DNAH17: variants seen among roughly 807,000 people sequenced by gnomAD.
The protein encoded by DNAH17 is dynein axonemal heavy chain 17, also known as axonemal beta dynein heavy chain 17.
A neutral mutation model predicts 485.6 loss-of-function variants in DNAH17; 376 were observed. The observed-to-expected ratio is 0.77, with a 90% CI of 0.71 to 0.84. The LOEUF (loss-of-function observed/expected upper bound fraction) is 0.84, where lower values mean the gene tolerates loss of function less well. DNAH17 is among the 40% of genes least tolerant of loss of function. The pLI is 0.00. For synonymous variants in DNAH17, 3,031 were observed against 2,405.9 expected (o/e 1.26, Z -7.60); for missense variants, 6,370 against 5,839.3 (o/e 1.09, Z -2.96).
At chr17:78,572,922 C>T (rs368965972) in intron 2 of DNAH17, 28 bp from the exon 3 acceptor site, 2 of 1,597,364 alleles carry the variant, frequency 1.3e-6, no homozygotes, top group African/African-American at 1.3e-5. Context: ...TGTGGTTCCG[C>T]CCCCTGTGCC....
intron 54 of DNAH17, chr17:78,472,911 C>G (rs948643856): frequency 3.2e-6 from 1 of 314,308 alleles, no homozygotes; most frequent in South Asian, 2.2e-5. Flanking sequence ...CCTGCCCGCT[C>G]TATCCCCTGA....
chr17:78,492,805 C>T (rs916953535), intron 41 of DNAH17, 40 bp from the exon 42 acceptor site: 3 of 1,592,434 alleles, frequency 1.9e-6, no homozygotes, highest in Non-Finnish European at 2.6e-6. Flanking sequence ...ACTCCATGTT[C>T]CTGGCACATC....
chr17:78,454,151 T>C (rs917468000), intron 64 of DNAH17, among the ~76,000 whole-genome samples: 2 of 152,272 alleles, frequency 1.3e-5, no homozygotes, highest in Middle Eastern at 3.4e-3. Flanking sequence ...GTGATGAGAA[T>C]ACAGACCACG....
At chr17:78,429,406 C>G in intron 75 of DNAH17, 106 bp from the exon 76 acceptor site, 1 of 1,252,988 alleles carries the variant, frequency 8.0e-7, no homozygotes, top group South Asian at 1.4e-5. Context: ...GCCATTGGTG[C>G]TGTGTCCTTC....
intron 67 of DNAH17, 59 bp from the exon 68 acceptor site, chr17:78,450,453 T>G (rs1435281955): frequency 5.0e-6 from 8 of 1,595,858 alleles, no homozygotes; most frequent in Non-Finnish European, 6.8e-6. Flanking sequence ...CATGAGCAGG[T>G]GGGCTCATTC....
At chr17:78,545,231 A>G (rs1036549223) in intron 16 of DNAH17, among the ~76,000 whole-genome samples, 1 of 152,222 alleles carries the variant, frequency 6.6e-6, no homozygotes, top group Non-Finnish European at 1.5e-5. Flanking sequence ...AACATAAACG[A>G]TATGATTAAG....
Position 78,530,349 on chromosome 17 carries a change from G to T in DNAH17, c.3278C>A (p.Thr1093Asn), listed in dbSNP as rs1328350362. 1.2e-5 allele frequency: 19 copies of T among 1,607,094 alleles called. No individual in the cohort carries two copies. Among genetic ancestry groups the T allele is most frequent in the Non-Finnish European group, 1.6e-5 (19 of 1,174,834 alleles). ...MFKRHLSNHV[T>N]NSLADLEAFM... ...TACATGGCTGGGGACCCACCTGTTG[G>T]TGACGTGGTTGCTCAGGTGCCGCTT... Residue 1093 changes from threonine (T) to asparagine (N), a missense_variant, in exon 21 of 81, where the codon ACC (threonine) becomes AAC (asparagine). Transcript: ENST00000389840.
chr17:78,561,719 G>A lies in DNAH17; in HGVS notation c.1831C>T (p.His611Tyr), dbSNP rs1291815144. ...VSMKHLKHVE[H>Y]PVMSGAEAKL... is the part of the protein sequence containing the mutation. ...CTGCCCAGGGCTGTGACTCACGGGT[G>A]TTCGACGTGCTTCAGGTGTTTCATG... The change falls in exon 12 of 81, where the codon CAC becomes TAC. Residue 611 changes from histidine (H) to tyrosine (Y), a missense_variant. Physicochemically the swap from His to Tyr is moderately conservative, Grantham distance 83. Transcript: ENST00000389840. 3 of 1,605,338 alleles carry A rather than the reference G, an allele frequency of 1.9e-6. No homozygotes were observed. Among genetic ancestry groups the A allele is most frequent in the Non-Finnish European group, 2.6e-6 (3 of 1,174,806 alleles).
rs1280967432 is a variant in DNAH17 at position 78,461,676 on chromosome 17, C to CTG, written c.9205_9206dup (p.Gln3069HisfsTer16). On this transcript the variant is annotated frameshift_variant, in exon 58 of 81. Transcript: ENST00000389840. LOFTEE classifies it high-confidence loss of function. ...CATTCTTCTGCTTGAGCTCAGCCTCCTGAATCGCCAACTTGGCTTTCAAAT... is the reference window on the plus strand; with the variant it reads ...CATTCTTCTGCTTGAGCTCAGCCTCCTGTGAATCGCCAACTTGGCTTTCAAAT... The CTG allele has an allele frequency of 6.2e-7, 1 of 1,611,016 alleles. No individual in the cohort carries two copies. The highest frequency in any genetic ancestry group is 8.5e-7 in the Non-Finnish European group (1 of 1,179,102).
At chr17:78,566,868 A>G in intron 10 of DNAH17, 131 bp downstream of exon 10, 2 of 1,329,930 alleles carry the variant, frequency 1.5e-6, no homozygotes, top group South Asian at 1.4e-5. Flanking sequence ...CGCTCTACAC[A>G]GTTTTCAAAG....
Position 78,450,618 on chromosome 17 carries a change from G to A in DNAH17, c.10899+64C>T, listed in dbSNP as rs1222446407. 1.2e-5 allele frequency: 19 copies of A among 1,552,432 alleles called. No individual in the cohort carries two copies. The East Asian group carries it at 1.6e-4, about 13-fold the overall frequency. ...TCCTTTCTCATGGTAGGGAGGCGCC[G>A]ATCGCCCGTGGCCCAGCCTCCCAAG... is the stretch of plus-strand genomic sequence containing the variant. On this transcript the variant is annotated intron_variant, in intron 67 of 80. Transcript: ENST00000389840.
rs2088614627 is a variant in DNAH17, at chr17:78,468,886, G to A, written c.8512-3C>T. On this transcript the variant is annotated splice_polypyrimidine_tract_variant and splice_region_variant and intron_variant, in intron 54 of 80. Coordinates refer to ENST00000389840, the MANE Select transcript of DNAH17 (RefSeq NM_173628.4). ...ATGTACTGAGCAGCGAGGTCAATCT[G>A]GACGGAGTGAGGACACGCTTAGGGG... 1 of 1,611,660 alleles carries A rather than the reference G, an allele frequency of 6.2e-7. No individual in the cohort carries two copies. Among genetic ancestry groups the A allele is most frequent in the Non-Finnish European group, 8.5e-7 (1 of 1,179,070 alleles).
At chr17:78,466,988 C>T (rs1456407243) in intron 55 of DNAH17, among the ~76,000 whole-genome samples, 172 bp from the exon 56 acceptor site, 4 of 152,218 alleles carry the variant, frequency 2.6e-5, no homozygotes, top group Non-Finnish European at 5.9e-5. Context: ...GCTGCATTGC[C>T]GTGGATAAAT....
chr17:78,514,804 G>T lies in DNAH17; in HGVS notation c.4083C>A (p.Arg1361=). 1 of 1,614,026 alleles carries T rather than the reference G, an allele frequency of 6.2e-7. No homozygotes were observed. The highest frequency in any genetic ancestry group is 8.5e-7 in the Non-Finnish European group (1 of 1,179,900). ...SELQNPAIRE[R]HWQQLMQATQ... ...TGGCCTGCATGAGCTGCTGCCAGTG[G>T]CGTTCCCGAATGGCAGGGTTCTGCA... is the stretch of plus-strand genomic sequence containing the variant. The change falls in exon 26 of 81, where the codon CGC becomes CGA. Residue 1361 remains arginine, a synonymous_variant. Coordinates refer to ENST00000389840, the MANE Select transcript of DNAH17 (RefSeq NM_173628.4).
intron 13 of DNAH17, among the ~76,000 whole-genome samples, chr17:78,559,990 T>C (rs1014037438): frequency 6.6e-6 from 1 of 152,174 alleles, no homozygotes; most frequent in Admixed American, 6.5e-5. Flanking sequence ...CTGCCCCTTC[T>C]ACCGGCTCTA....
rs1396837255 is a variant in DNAH17 at position 78,469,467 on chromosome 17, A to C, written c.8512-584T>G. Among the ~76,000 whole-genome samples the C allele has an allele frequency of 2.0e-5, 3 of 152,196 alleles. No homozygotes were observed. In the East Asian group the frequency reaches 5.8e-4, roughly 29 times the overall value. ...ACAGGGACAACTTTCTAAGAAACAC[A>C]GGCCAGGTGCGGTGGCTCATGCTTA... On this transcript the variant is annotated intron_variant, in intron 54 of 80. Transcript: ENST00000389840.
Position 78,492,678 on chromosome 17 carries a change from C to T in DNAH17, c.6496G>A (p.Glu2166Lys), listed in dbSNP as rs774827577. ...DLDPKAVTCD[E>K]LFGIINPVTR... The stretch of plus-strand genomic sequence containing the variant: ...ACTGGGTTGATGATGCCAAAGAGCT[C>T]GTCGCAGGTGACGGCCTTGGGGTCC... The change falls in exon 42 of 81, where the codon GAG becomes AAG. Residue 2166 changes from glutamate (E) to lysine (K), a missense_variant. Coordinates refer to ENST00000389840, the MANE Select transcript of DNAH17 (RefSeq NM_173628.4). 8.1e-6 allele frequency: 13 copies of T among 1,613,628 alleles called. No individual in the cohort carries two copies. The South Asian group carries it at 1.2e-4, about 15-fold the overall frequency.
intron 56 of DNAH17, among the ~76,000 whole-genome samples, chr17:78,463,608 G>A (rs770928652): frequency 6.6e-5 from 10 of 152,134 alleles, no homozygotes; most frequent in Non-Finnish European, 1.3e-4. Flanking sequence ...GCACGTGCAT[G>A]TGCATTCACA....
chr17:78,571,813 C>T, intron 3 of DNAH17, 31 bp from the exon 4 acceptor site: 1 of 1,541,422 alleles, frequency 6.5e-7, no homozygotes. Flanking sequence ...GCATTGCTCT[C>T]ATGGCGACAC....
Sources: allele counts gnomAD v4.1 joint callset (sites outside exome capture counted in the v4.1 genomes callset), GRCh38; gene constraint gnomAD v4.1.1; transcripts MANE v1.5; gene names NCBI Gene and HGNC (gene_info 2026-07-23, HGNC 2026-07-21).